Variants in CHODL observed in about 807,000 individuals in gnomAD.
CHODL encodes the protein chondrolectin, also known as transmembrane protein MT75.
A neutral mutation model predicts 34.5 loss-of-function variants in CHODL; 29 were observed. The ratio of observed to expected loss-of-function variants is 0.84; its 90% CI spans 0.63 to 1.15. The LOEUF (loss-of-function observed/expected upper bound fraction) is 1.15, where lower values mean the gene tolerates loss of function less well. Ranked by LOEUF, CHODL falls within the 50% of genes most tolerant of loss-of-function variation. The pLI, the probability that CHODL is intolerant of heterozygous loss-of-function variation, is 0.00. For missense variants in CHODL, 332 were observed against 332.5 expected, an observed-to-expected ratio of 1.00 and a Z score of 0.01; for synonymous variants, 125 against 116.1, an observed-to-expected ratio of 1.08 and a Z score of -0.49.
chr21:18,217,856 A>G (rs59331866), intron 2 of CHODL, among the ~76,000 whole-genome samples: 21,344 of 152,158 alleles, frequency 0.14, 1,800 homozygotes, highest in African/African-American at 0.23. Flanking sequence ...GGGGCTACAG[A>G]CCCCATATAA....
In CHODL at chr21:18,195,465, C is replaced by T. The variant is rs149661691; in HGVS notation, c.-44-61044C>T. ...TTTGAACAACATCTCCTCATTTCCT[C>T]ACCATCACCCGCAGTCCTCAGCAAC... On this transcript the variant is annotated intron_variant, in intron 2 of 6. Coordinates refer to the CHODL transcript ENST00000400127. Among the ~76,000 whole-genome samples, 318 of 152,312 alleles carry T rather than the reference C, an allele frequency of 2.1e-3. 4 individuals are homozygous for T. In the South Asian group the frequency reaches 0.036, roughly 17 times the overall value.
chr21:17,927,052 ATGTGTATATG>A (rs1444122122), intron 1 of CHODL, among the ~76,000 whole-genome samples: 1 of 151,140 alleles, frequency 6.6e-6, no homozygotes, highest in Non-Finnish European at 1.5e-5. Flanking sequence ...GTATGCATAT[ATGTGTATATG>A]TATGTATATG....
In CHODL at chr21:18,256,680, T is replaced by A; in HGVS notation, c.251T>A (p.Leu84Ter). 3 of 1,614,082 alleles carry A rather than the reference T, an allele frequency of 1.9e-6. No homozygotes were observed. The highest frequency in any genetic ancestry group is 2.5e-6 in the Non-Finnish European group (3 of 1,179,986). Residue 84 changes from leucine (L) to a stop codon, truncating the protein, a stop_gained, in exon 2 of 6, where the codon TTG becomes TAG. Coordinates refer to ENST00000299295, the MANE Select transcript of CHODL (RefSeq NM_024944.3). LOFTEE classifies it high-confidence loss of function. ...GAACAGAAGTTAATAGAGAGCATGT[T>A]GCAAAACCTGACAAAACCCGGGACA... ...EAEQKLIESM[L>*]QNLTKPGTGI...
intron 2 of CHODL, among the ~76,000 whole-genome samples, chr21:18,212,422 T>C (rs891363390): frequency 2.6e-5 from 4 of 152,088 alleles, no homozygotes; most frequent in Non-Finnish European, 5.9e-5. Context: ...GAAAAACAAA[T>C]AGAAACAAGT....
chr21:18,152,702 A>G (rs2146629867), intron 2 of CHODL, among the ~76,000 whole-genome samples: 1 of 152,320 alleles, frequency 6.6e-6, no homozygotes, highest in East Asian at 1.9e-4. Flanking sequence ...ATGATATAAC[A>G]TAACCAAGAG....
chr21:18,201,464 CA>C (rs143160487), intron 2 of CHODL, among the ~76,000 whole-genome samples: 27 of 145,926 alleles, frequency 1.9e-4, no homozygotes, highest in Non-Finnish European at 2.6e-4. Context: ...AATTTAATAA[CA>C]AAAAAAAAAG....
chr21:18,139,403 A>C (rs2072775104), intron 2 of CHODL, among the ~76,000 whole-genome samples: 1 of 152,142 alleles, frequency 6.6e-6, no homozygotes, highest in Non-Finnish European at 1.5e-5. Flanking sequence ...CAAAAATGAC[A>C]CAATTCCTTC....
rs376876845 is a variant in CHODL, at chr21:18,084,920, AGTGTGTGTGTGT to A, written c.-45+56979_-45+56990del. On this transcript the variant is annotated intron_variant, in intron 2 of 6. Coordinates refer to the CHODL transcript ENST00000400127. ...TATCTCTTTTGTTAGGTCTAGTAAT[AGTGTGTGTGTGT>A]GTGTGTGTGTGTGTGTGTGTGTGTG... Among the ~76,000 whole-genome samples the A allele has an allele frequency of 7.2e-3, 617 of 85,314 alleles. 3 individuals carry two copies. The highest frequency in any genetic ancestry group is 0.017 in the African/African-American group (556 of 32,284). 56.0% of individuals were successfully genotyped at this position (85,314 alleles called of 152,430 possible). A position where few individuals can be genotyped will look rare whatever the true frequency, so the allele number is the denominator to read the frequency against.
At chr21:18,044,255 G>T (rs190857069) in intron 2 of CHODL, among the ~76,000 whole-genome samples, 2 of 151,952 alleles carry the variant, frequency 1.3e-5, no homozygotes, top group African/African-American at 4.8e-5. Context: ...TGTGAATTGT[G>T]TGATTTCAAT....
intron 2 of CHODL, 55 bp from the exon 3 acceptor site, chr21:18,256,915 G>C (rs2074323828): frequency 1.3e-6 from 2 of 1,588,164 alleles, no homozygotes; most frequent in Admixed American, 1.7e-5. Context: ...AGTAGGACAG[G>C]CAGAATCATT....
chr21:18,195,154 A>G (rs2073570901), intron 2 of CHODL, among the ~76,000 whole-genome samples: 1 of 151,888 alleles, frequency 6.6e-6, no homozygotes, highest in African/African-American at 2.4e-5. Context: ...TCCCAGGTTC[A>G]CACCATTCTC....
At chr21:18,209,957 C>T (rs560577367) in intron 2 of CHODL, among the ~76,000 whole-genome samples, 1 of 152,110 alleles carries the variant, frequency 6.6e-6, no homozygotes, top group Non-Finnish European at 1.5e-5. Context: ...AGAATTTTCT[C>T]CTGGAGCTGC....
chr21:18,118,680 C>T (rs1471085972), intron 2 of CHODL, among the ~76,000 whole-genome samples: 4 of 152,138 alleles, frequency 2.6e-5, no homozygotes, highest in Non-Finnish European at 5.9e-5. Flanking sequence ...AATGGGCCAG[C>T]TTCTAAGGCC....
In CHODL at chr21:18,245,841, A is replaced by C. The variant is rs924705433; in HGVS notation, c.79+539A>C. 4.4e-6 allele frequency: 6 copies of C among 1,352,804 alleles called. No individual in the cohort carries two copies. In the African/African-American group the frequency reaches 8.7e-5, roughly 20 times the overall value. 83.8% of individuals were successfully genotyped at this position (1,352,804 alleles called of 1,614,324 possible). ...CAGCAGGACTACTGGCAAGGAACTGAAGTGTGGTCATTGCGTGTAGATGCC... is the reference window on the plus strand; with the variant it reads ...CAGCAGGACTACTGGCAAGGAACTGCAGTGTGGTCATTGCGTGTAGATGCC... On this transcript the variant is annotated intron_variant, in intron 1 of 5. Transcript: ENST00000299295.
At chr21:18,127,973 T>C (rs763584215) in intron 2 of CHODL, among the ~76,000 whole-genome samples, 7 of 150,970 alleles carry the variant, frequency 4.6e-5, no homozygotes, top group Non-Finnish European at 7.4e-5. Flanking sequence ...CTGAAAACTT[T>C]CCAAATTTTG....
At chr21:18,063,076 C>T (rs573038910) in intron 2 of CHODL, among the ~76,000 whole-genome samples, 112 of 152,202 alleles carry the variant, frequency 7.4e-4, no homozygotes, top group Non-Finnish European at 1.2e-3. Context: ...GCTAAAACAT[C>T]GTTTCAAATA....
At chr21:18,008,233 G>T (rs578068716) in intron 1 of CHODL, among the ~76,000 whole-genome samples, 1 of 151,654 alleles carries the variant, frequency 6.6e-6, no homozygotes, top group African/African-American at 2.4e-5. Context: ...TGATGTATTT[G>T]TATGTATGCG....
Position 18,054,860 on chromosome 21 carries a change from T to C in CHODL, c.-45+26889T>C, listed in dbSNP as rs373896758. ...GAGAAAAGAAAACCAGCCACTAATA[T>C]CAAAACAATACTTGCTATGTCCCCG... On this transcript the variant is annotated intron_variant, in intron 2 of 6. Coordinates refer to the CHODL transcript ENST00000400127. 7.9e-5 allele frequency among the ~76,000 whole-genome samples: 12 copies of C among 152,070 alleles called. No individual in the cohort carries two copies. In the South Asian group the frequency reaches 2.3e-3, roughly 29 times the overall value.
chr21:18,227,369 C>T (rs1046476483), intron 2 of CHODL, among the ~76,000 whole-genome samples: 10 of 152,092 alleles, frequency 6.6e-5, no homozygotes, highest in African/African-American at 2.4e-4. Context: ...AGATTCTAAA[C>T]ATAAAAACTG....
Sources: gnomAD v4.1 joint callset for allele counts (sites outside exome capture counted in the v4.1 genomes callset) on GRCh38, gnomAD v4.1.1 for gene constraint, MANE v1.5 for transcripts, NCBI Gene and HGNC (gene_info 2026-07-23, HGNC 2026-07-21) for gene names.